IMMP1L: variants seen among roughly 807,000 people sequenced by gnomAD.
IMMP1L encodes mitochondrial inner membrane protease subunit 1.
Under a neutral mutation model 21.8 loss-of-function variants are expected in IMMP1L, and 24 were observed. The ratio of observed to expected loss-of-function variants is 1.10; its 90% CI spans 0.80 to 1.55. IMMP1L has a LOEUF of 1.55. IMMP1L is among the 40% of genes most tolerant of loss of function. The pLI is 0.00. For synonymous variants in IMMP1L, 46 were observed against 62.8 expected (o/e 0.73, Z 1.26); for missense variants, 195 against 200.7 (o/e 0.97, Z 0.17).
At chr11:31,456,732 T>C (rs1953951169) in intron 3 of IMMP1L, among the ~76,000 whole-genome samples, 1 of 151,550 alleles carries the variant, frequency 6.6e-6, no homozygotes, top group South Asian at 2.1e-4. Context: ...AAAACAATTC[T>C]ACATAGGCCG....
chr11:31,450,279 T>G lies in IMMP1L; in HGVS notation c.321+5981A>C, dbSNP rs188147674. On this transcript the variant is annotated intron_variant, in intron 4 of 5. Transcript: ENST00000532287. ...AACCTCATTAGTAGGCAATGAATGT[T>G]GCAAGGGCAACTTAGCCTTCATCGT... 7.9e-5 allele frequency among the ~76,000 whole-genome samples: 12 copies of G among 152,306 alleles called. No homozygotes were observed. In the East Asian group the frequency reaches 2.3e-3, roughly 29 times the overall value.
chr11:31,500,957 T>A (rs1318411059), intron 1 of IMMP1L, among the ~76,000 whole-genome samples: 3 of 152,254 alleles, frequency 2.0e-5, no homozygotes, highest in African/African-American at 7.2e-5. Flanking sequence ...TAAAGCTGTG[T>A]GATTTAATAT....
chr11:31,432,816 A>C (rs551432389), intron 5 of IMMP1L, among the ~76,000 whole-genome samples: 14 of 152,342 alleles, frequency 9.2e-5, no homozygotes, highest in Admixed American at 3.3e-4. Flanking sequence ...GTGGTGTGTG[A>C]ATAAATATGT....
chr11:31,468,903 T>C (rs982762359), intron 1 of IMMP1L, among the ~76,000 whole-genome samples: 2 of 152,174 alleles, frequency 1.3e-5, no homozygotes, highest in African/African-American at 2.4e-5. Context: ...CCAAAGCAGT[T>C]GCACCACTGT....
chr11:31,466,506 C>T (rs1244024255), intron 1 of IMMP1L, among the ~76,000 whole-genome samples: 1 of 152,012 alleles, frequency 6.6e-6, no homozygotes, highest in Admixed American at 6.6e-5. Flanking sequence ...CAGAATCAAC[C>T]GAAATATCCA....
At chr11:31,435,587 G>A (rs940206079) in intron 4 of IMMP1L, among the ~76,000 whole-genome samples, 101 of 152,250 alleles carry the variant, frequency 6.6e-4, no homozygotes, top group African/African-American at 2.2e-3. Flanking sequence ...GGCAAAAAAT[G>A]ATACCTTTGT....
chr11:31,496,697 T>C (rs1955448688), intron 1 of IMMP1L, among the ~76,000 whole-genome samples: 1 of 149,936 alleles, frequency 6.7e-6, no homozygotes, highest in Non-Finnish European at 1.5e-5. Context: ...ATTATTATTA[T>C]ACTTTAAATT....
chr11:31,454,290 G>T (rs1475067344), intron 4 of IMMP1L, among the ~76,000 whole-genome samples: 1 of 151,778 alleles, frequency 6.6e-6, no homozygotes, highest in Non-Finnish European at 1.5e-5. Context: ...ACAGTAGGGT[G>T]ATTATGGTTA....
At chr11:31,472,135 C>G (rs565431872) in intron 1 of IMMP1L, among the ~76,000 whole-genome samples, 3 of 152,130 alleles carry the variant, frequency 2.0e-5, no homozygotes, top group Non-Finnish European at 4.4e-5. Context: ...TCACAATGAT[C>G]TCAAAATCCT....
chr11:31,490,862 C>T lies in IMMP1L; in HGVS notation c.-30+18657G>A, dbSNP rs372893925. Reference sequence around the variant, plus strand: ...AGATTACAAAGGGTCCTAAATCCAACGGGAACGTCCTCATTAGAGACAGAA... The same window carrying T: ...AGATTACAAAGGGTCCTAAATCCAATGGGAACGTCCTCATTAGAGACAGAA... On this transcript the variant is annotated intron_variant, in intron 1 of 5. Coordinates refer to ENST00000532287, the MANE Select transcript of IMMP1L (RefSeq NM_001304274.2). 2.0e-4 allele frequency among the ~76,000 whole-genome samples: 31 copies of T among 152,128 alleles called. No individual in the cohort carries two copies. The East Asian group carries it at 3.3e-3, about 16-fold the overall frequency.
intron 1 of IMMP1L, among the ~76,000 whole-genome samples, chr11:31,484,514 G>T (rs986098061): frequency 1.6e-4 from 24 of 151,666 alleles, no homozygotes; most frequent in African/African-American, 5.6e-4. Context: ...TAACGAACAC[G>T]TTGCCTATAG....
chr11:31,434,542 C>T (rs1953049701), intron 4 of IMMP1L, among the ~76,000 whole-genome samples: 1 of 151,928 alleles, frequency 6.6e-6, no homozygotes. Context: ...ACTGGTTTTA[C>T]TTGTAAACCT....
At chr11:31,445,388 C>T (rs1166517098) in intron 4 of IMMP1L, among the ~76,000 whole-genome samples, 3 of 152,144 alleles carry the variant, frequency 2.0e-5, no homozygotes, top group East Asian at 3.9e-4. Flanking sequence ...TTGCTCTTTT[C>T]AATCTCCTGT....
chr11:31,492,926 A>G (rs1955305188), intron 1 of IMMP1L, among the ~76,000 whole-genome samples: 2 of 152,206 alleles, frequency 1.3e-5, no homozygotes, highest in Admixed American at 1.3e-4. Flanking sequence ...GAAGGTTTGA[A>G]ATATTGCAAG....
intron 1 of IMMP1L, among the ~76,000 whole-genome samples, chr11:31,496,224 G>A (rs952616959): frequency 6.6e-6 from 1 of 151,738 alleles, no homozygotes; most frequent in African/African-American, 2.4e-5. Context: ...ATGAAAAGAT[G>A]TTAAACATCC....
intron 1 of IMMP1L, among the ~76,000 whole-genome samples, chr11:31,508,121 T>C (rs1955842602): frequency 6.6e-6 from 1 of 152,120 alleles, no homozygotes; most frequent in South Asian, 2.1e-4. Flanking sequence ...CGTTTACCTA[T>C]GTAACAAACC....
intron 1 of IMMP1L, among the ~76,000 whole-genome samples, chr11:31,475,340 T>G (rs1954691471): frequency 6.6e-6 from 1 of 152,186 alleles, no homozygotes; most frequent in African/African-American, 2.4e-5. Flanking sequence ...AATATAGCAG[T>G]TGTATGAGTA....
rs1954211760 is a variant in IMMP1L at position 31,463,230 on chromosome 11, G to C, written c.47C>G (p.Thr16Ser). The change falls in exon 2 of 6, where the codon ACT (threonine) becomes AGT (serine). Residue 16 changes from threonine to serine, a missense_variant. Physicochemically the swap from Thr to Ser is moderately conservative, Grantham distance 58. Transcript: ENST00000532287. ...LGKTFRLVGY[T>S]IQYGCIAHCA... ...ATGAGCTATACAGCCATATTGAATA[G>C]TATAGCCAACAAGTCGAAAGGTTTT... The C allele has an allele frequency of 6.2e-7, 1 of 1,612,496 alleles. No individual in the cohort carries two copies. Among genetic ancestry groups the C allele is most frequent in the Non-Finnish European group, 8.5e-7 (1 of 1,179,098 alleles).
intron 1 of IMMP1L, among the ~76,000 whole-genome samples, chr11:31,503,866 C>T (rs1234288591): frequency 1.3e-5 from 2 of 152,194 alleles, no homozygotes; most frequent in Admixed American, 6.5e-5. Flanking sequence ...GAAAGCCAGC[C>T]TTCTGAAGAA....
Sources: gnomAD v4.1 joint callset for allele counts (sites outside exome capture counted in the v4.1 genomes callset) on GRCh38, gnomAD v4.1.1 for gene constraint, MANE v1.5 for transcripts, NCBI Gene and HGNC (gene_info 2026-07-23, HGNC 2026-07-21) for gene names.